The following ANXA6 variants were observed in gnomAD, a reference collection of about 807,000 sequenced individuals.
The protein encoded by ANXA6 is 67 kDa calelectrin.
In ANXA6, 71 loss-of-function variants were observed where a neutral mutation model predicts 95.4. The observed-to-expected ratio is 0.74, with a 90% CI of 0.61 to 0.91. ANXA6 has a LOEUF of 0.91. Ranked by LOEUF, ANXA6 falls within the 40% of genes least tolerant of loss-of-function variation. ANXA6 has a pLI of 0.00. For missense variants in ANXA6, 830 were observed against 876.4 expected (o/e 0.95, Z 0.67); for synonymous variants, 289 against 315.9 (o/e 0.91, Z 0.90).
chr5:151,113,374 C>T (rs978730068), intron 20 of ANXA6, among the ~76,000 whole-genome samples: 17 of 152,020 alleles, frequency 1.1e-4, no homozygotes, highest in African/African-American at 4.1e-4. Context: ...GCACTCCAGC[C>T]TGGGCAACAA....
intron 1 of ANXA6, among the ~76,000 whole-genome samples, chr5:151,152,482 C>T (rs1011441782): frequency 2.0e-5 from 3 of 152,264 alleles, no homozygotes; most frequent in African/African-American, 7.2e-5. Flanking sequence ...TGAAATGACC[C>T]TCTTGTAAGG....
rs138792356 is a variant in ANXA6, at chr5:151,124,986, C to T, written c.1057-619G>A. 5.9e-3 allele frequency among the ~76,000 whole-genome samples: 899 copies of T among 152,286 alleles called. 16 individuals are homozygous for T. Among genetic ancestry groups the T allele is most frequent in the African/African-American group, 0.02 (830 of 41,552 alleles). ...CTCCCAAAAGGCAAGGAATTGTATC[C>T]GTTTTATCCTGTTACATATCCCAGG... On this transcript the variant is annotated intron_variant, in intron 14 of 25. Coordinates refer to ENST00000354546, the MANE Select transcript of ANXA6 (RefSeq NM_001155.5).
chr5:151,116,597 T>C (rs761908310), intron 20 of ANXA6, among the ~76,000 whole-genome samples: 5 of 152,236 alleles, frequency 3.3e-5, no homozygotes, highest in African/African-American at 7.2e-5. Flanking sequence ...AAATATTTAT[T>C]GAGCACTGAT....
intron 25 of ANXA6, among the ~76,000 whole-genome samples, chr5:151,102,172 C>T (rs572587727): frequency 4.6e-5 from 7 of 152,310 alleles, no homozygotes; most frequent in African/African-American, 1.7e-4. Flanking sequence ...TGAGGGACTC[C>T]TATCATTGTT....
chr5:151,126,323 G>T, intron 14 of ANXA6, 79 bp downstream of exon 14: 1 of 1,298,270 alleles, frequency 7.7e-7, no homozygotes, highest in East Asian at 2.5e-5. Context: ...GGGCAGCTGG[G>T]TGCCAACCAG....
chr5:151,112,116 T>C (rs1581981849), intron 20 of ANXA6, among the ~76,000 whole-genome samples: 1 of 152,154 alleles, frequency 6.6e-6, no homozygotes, highest in East Asian at 1.9e-4. Context: ...AGAAAAACTG[T>C]AAACCATCCT....
chr5:151,129,415 T>C lies in ANXA6; in HGVS notation c.910A>G (p.Met304Val). 1 of 1,613,510 alleles carries C rather than the reference T, an allele frequency of 6.2e-7. No homozygotes were observed. Among genetic ancestry groups the C allele is most frequent in the Non-Finnish European group, 8.5e-7 (1 of 1,179,880 alleles). The change falls in exon 12 of 26, where the codon ATG (methionine) becomes GTG (valine). Residue 304 changes from methionine (M) to valine (V), a missense_variant. Coordinates refer to ENST00000354546, the MANE Select transcript of ANXA6 (RefSeq NM_001155.5). ...RTKYEKSLYSMIKNDTSGEYK... is the reference protein window; with the variant it reads ...RTKYEKSLYSVIKNDTSGEYK... ...CCATGAGCTCTGCTGACCTTGATCA[T>C]GCTGTAGAGGGACTTCTCATACTTG...
rs540355415 is a variant in ANXA6, at chr5:151,140,233, T to C, written c.29A>G (p.Tyr10Cys). 2 of 1,613,834 alleles carry C rather than the reference T, an allele frequency of 1.2e-6. No individual in the cohort carries two copies. Among genetic ancestry groups the C allele is most frequent in the Non-Finnish European group, 1.7e-6 (2 of 1,179,836 alleles). Residue 10 changes from tyrosine to cysteine, a missense_variant, in exon 3 of 26, where the codon TAC becomes TGC. Coordinates refer to ENST00000354546, the MANE Select transcript of ANXA6 (RefSeq NM_001155.5). MAKPAQGAK[Y>C]RGSIHDFPGF... The stretch of plus-strand genomic sequence containing the variant: ...TGGGAAGTCATGGATGGAGCCCCGG[T>C]ACTTGGCACCCTGTGGAGAAAAAAG...
intron 20 of ANXA6, among the ~76,000 whole-genome samples, chr5:151,111,117 G>A (rs1466931826): frequency 1.3e-5 from 2 of 152,208 alleles, no homozygotes; most frequent in African/African-American, 4.8e-5. Flanking sequence ...TAGCCTTCAT[G>A]TTACAGACAG....
At chr5:151,140,841 A>T (rs1046426202) in intron 2 of ANXA6, among the ~76,000 whole-genome samples, 1 of 152,192 alleles carries the variant, frequency 6.6e-6, no homozygotes, top group African/African-American at 2.4e-5. Flanking sequence ...GCCAAGCCCA[A>T]AGAAGAGCCA....
At chr5:151,140,725 C>A (rs1245764273) in intron 2 of ANXA6, among the ~76,000 whole-genome samples, 1 of 152,084 alleles carries the variant, frequency 6.6e-6, no homozygotes, top group Non-Finnish European at 1.5e-5. Flanking sequence ...GTGCACCCAG[C>A]CAGCCCCTCA....
At chr5:151,149,025 A>T (rs1766040380) in intron 1 of ANXA6, among the ~76,000 whole-genome samples, 1 of 151,824 alleles carries the variant, frequency 6.6e-6, no homozygotes, top group African/African-American at 2.4e-5. Flanking sequence ...AAAAAAATAA[A>T]AAAAAAATAG....
chr5:151,119,781 T>C (rs1014301038), intron 17 of ANXA6, among the ~76,000 whole-genome samples: 6 of 152,252 alleles, frequency 3.9e-5, no homozygotes, highest in Admixed American at 3.9e-4. Flanking sequence ...TCACAGATGA[T>C]TGCTATTTTC....
At chr5:151,114,880 G>A (rs114731300) in intron 20 of ANXA6, among the ~76,000 whole-genome samples, 87 of 152,234 alleles carry the variant, frequency 5.7e-4, no homozygotes, top group African/African-American at 2.0e-3. Flanking sequence ...CCGCCAGGGA[G>A]GCAGTGTAAA....
intron 13 of ANXA6, among the ~76,000 whole-genome samples, chr5:151,127,953 A>T (rs1765374237): frequency 1.3e-5 from 2 of 152,164 alleles, no homozygotes; most frequent in African/African-American, 2.4e-5. Context: ...AAGAGCAGAC[A>T]TCTCCATATA....
At chr5:151,108,722 G>C (rs554288720) in intron 22 of ANXA6, among the ~76,000 whole-genome samples, 172 bp from the exon 23 acceptor site, 55 of 152,376 alleles carry the variant, frequency 3.6e-4, no homozygotes, top group African/African-American at 1.3e-3. Flanking sequence ...TCCCGATAGA[G>C]AAGCTCTGAC....
chr5:151,147,527 A>G (rs1208826232), intron 2 of ANXA6, among the ~76,000 whole-genome samples: 2 of 152,192 alleles, frequency 1.3e-5, no homozygotes, highest in Non-Finnish European at 2.9e-5. Flanking sequence ...ATGCCAATGC[A>G]AGGAAGAACC....
chr5:151,118,772 C>T (rs1475072240), intron 18 of ANXA6, among the ~76,000 whole-genome samples: 2 of 151,866 alleles, frequency 1.3e-5, no homozygotes, highest in African/African-American at 2.4e-5. Flanking sequence ...TTTGCCATGT[C>T]GCCCAGGCTG....
intron 1 of ANXA6, among the ~76,000 whole-genome samples, chr5:151,154,030 T>C (rs563014590): frequency 6.6e-6 from 1 of 152,224 alleles, no homozygotes. Flanking sequence ...CCTCAGCAAA[T>C]GGAACCATCT....
Sources: gnomAD v4.1 joint callset for allele counts (sites outside exome capture counted in the v4.1 genomes callset) on GRCh38, gnomAD v4.1.1 for gene constraint, MANE v1.5 for transcripts, NCBI Gene and HGNC (gene_info 2026-07-23, HGNC 2026-07-21) for gene names.